Variants in ENPEP observed in about 807,000 individuals in gnomAD.
The protein encoded by ENPEP is glutamyl aminopeptidase.
ENPEP carries 103 observed loss-of-function variants against 114.5 expected under a neutral mutation model. That is an observed-to-expected ratio of 0.90 (90% CI 0.77 to 1.06). The LOEUF is 1.06. Ranked by LOEUF, ENPEP falls within the 50% of genes least tolerant of loss-of-function variation. ENPEP has a pLI of 0.00. For synonymous variants in ENPEP, 420 were observed against 422.0 expected, an observed-to-expected ratio of 1.00 and a Z score of 0.06; for missense variants, 1,196 against 1,161.3, an observed-to-expected ratio of 1.03 and a Z score of -0.43.
chr4:110,519,993 A>T lies in ENPEP; in HGVS notation c.1510-15A>T, dbSNP rs1377144801. ...AACATTGACTTCTAACATGCTGATTATTTTTTACACACAGATGTACTTGGA... is the reference window on the plus strand; with the variant it reads ...AACATTGACTTCTAACATGCTGATTTTTTTTTACACACAGATGTACTTGGA... On this transcript the variant is annotated splice_polypyrimidine_tract_variant and intron_variant, in intron 8 of 19. Coordinates refer to ENST00000265162, the MANE Select transcript of ENPEP (RefSeq NM_001977.4). 6.2e-7 allele frequency: 1 copy of T among 1,609,550 alleles called. No individual in the cohort carries two copies. The highest frequency in any genetic ancestry group is 8.5e-7 in the Non-Finnish European group (1 of 1,177,606).
intron 12 of ENPEP, 62 bp from the exon 13 acceptor site, chr4:110,542,953 T>C: frequency 6.2e-7 from 1 of 1,609,938 alleles, no homozygotes; most frequent in Non-Finnish European, 8.5e-7. Context: ...ATGATATTAA[T>C]TTTTTTCAAC....
intron 3 of ENPEP, among the ~76,000 whole-genome samples, chr4:110,497,393 C>T (rs78259923): frequency 0.011 from 1,695 of 151,082 alleles, 11 homozygotes; most frequent in Middle Eastern, 0.021. Context: ...TAGTAAGCCA[C>T]GGAGGATTGC....
rs565605305 is a variant in ENPEP, at chr4:110,525,332, G to A, written c.1727+4966G>A. Reference sequence around the variant, plus strand: ...CTCTGGGGACATCTTCCTAGCCCGGGTTACCCAGCTGAGCCCCTCCTAGAG... The same window carrying A: ...CTCTGGGGACATCTTCCTAGCCCGGATTACCCAGCTGAGCCCCTCCTAGAG... On this transcript the variant is annotated intron_variant, in intron 10 of 19. Transcript: ENST00000265162. 1.6e-4 allele frequency among the ~76,000 whole-genome samples: 25 copies of A among 152,330 alleles called. No individual in the cohort carries two copies. The East Asian group carries it at 4.4e-3, about 27-fold the overall frequency.
At chr4:110,498,617 A>G (rs569112237) in intron 3 of ENPEP, among the ~76,000 whole-genome samples, 3 of 152,306 alleles carry the variant, frequency 2.0e-5, no homozygotes, top group East Asian at 3.9e-4. Context: ...AGACAAGGAC[A>G]ATAAGGATGT....
intron 18 of ENPEP, among the ~76,000 whole-genome samples, chr4:110,554,157 G>T (rs1021959353): frequency 1.3e-5 from 2 of 151,910 alleles, no homozygotes; most frequent in Non-Finnish European, 2.9e-5. Flanking sequence ...ATAAACGTAT[G>T]TCCCAAATAA....
At chr4:110,500,075 A>C (rs920196494) in intron 3 of ENPEP, 15 of 152,176 alleles carry the variant, frequency 9.9e-5, no homozygotes, top group African/African-American at 3.6e-4. Context: ...AGCCTCATTA[A>C]ATTGTTCAAG....
At chr4:110,496,510 A>G (rs1342635122) in intron 3 of ENPEP, among the ~76,000 whole-genome samples, 1 of 151,990 alleles carries the variant, frequency 6.6e-6, no homozygotes, top group African/African-American at 2.4e-5. Context: ...TAACTAAACA[A>G]CAGTCTTTAC....
At chr4:110,554,095 C>T (rs1727387872) in intron 18 of ENPEP, among the ~76,000 whole-genome samples, 2 of 151,924 alleles carry the variant, frequency 1.3e-5, no homozygotes, top group Non-Finnish European at 2.9e-5. Context: ...ATATAATGCA[C>T]AATTTCCATC....
intron 8 of ENPEP, chr4:110,519,456 A>AT (rs1162603981): frequency 6.0e-6 from 1 of 167,488 alleles, no homozygotes; most frequent in African/African-American, 2.4e-5. Context: ...AAGACTGGGA[A>AT]TTTTTTCTGG....
At position 110,564,948 on chromosome 4, in the gene ENPEP, A is replaced by G. The variant is rs1460466146; in HGVS notation, c.*3390A>G. 1 of 152,238 alleles carries G rather than the reference A, an allele frequency of 6.6e-6. No individual in the cohort carries two copies. The highest frequency in any genetic ancestry group is 6.5e-5 in the Admixed American group (1 of 15,288). The allele number at this position is 152,238 out of a possible 1,614,324, so 9.4% of individuals were successfully genotyped here. On this transcript the variant is annotated 3_prime_UTR_variant, in exon 20 of 20. Coordinates refer to ENST00000265162, the MANE Select transcript of ENPEP (RefSeq NM_001977.4). ...ATAGAACTTAGCCAGCACAGAGTAC[A>G]CATGTGCTGTAAATGAGAAATACCC...
At chr4:110,516,366 A>G (rs555242505) in intron 8 of ENPEP, among the ~76,000 whole-genome samples, 1 of 152,238 alleles carries the variant, frequency 6.6e-6, no homozygotes, top group East Asian at 1.9e-4. Context: ...TAATTTTATC[A>G]AAGTAGCTAC....
chr4:110,484,562 C>T (rs376781043), intron 1 of ENPEP, among the ~76,000 whole-genome samples: 1 of 151,722 alleles, frequency 6.6e-6, no homozygotes, highest in Admixed American at 6.6e-5. Context: ...CCAAACACAC[C>T]GCACAGAGAA....
chr4:110,542,485 G>C (rs1045649822), intron 11 of ENPEP, among the ~76,000 whole-genome samples: 11 of 151,906 alleles, frequency 7.2e-5, no homozygotes, highest in African/African-American at 2.7e-4. Flanking sequence ...CATTTGACAA[G>C]CTTCTGCCAG....
chr4:110,550,236 G>T (rs1727236036), intron 17 of ENPEP, among the ~76,000 whole-genome samples: 1 of 152,068 alleles, frequency 6.6e-6, no homozygotes, highest in South Asian at 2.1e-4. Context: ...CATGTGTAAT[G>T]GAGGTAGGAC....
At chr4:110,510,697 C>T (rs754568649) in intron 6 of ENPEP, among the ~76,000 whole-genome samples, 8 of 151,608 alleles carry the variant, frequency 5.3e-5, no homozygotes, top group South Asian at 2.1e-4. Flanking sequence ...GAAAAAATGT[C>T]GGAGTCTCAT....
At chr4:110,559,401 C>G (rs1448219356) in intron 18 of ENPEP, among the ~76,000 whole-genome samples, 1 of 151,536 alleles carries the variant, frequency 6.6e-6, no homozygotes, top group Non-Finnish European at 1.5e-5. Context: ...GATTTGGGGA[C>G]TACAACAAGC....
chr4:110,528,320 C>G (rs565307857), intron 10 of ENPEP, among the ~76,000 whole-genome samples: 2 of 152,114 alleles, frequency 1.3e-5, no homozygotes, highest in Non-Finnish European at 2.9e-5. Context: ...TAAGAAAGAA[C>G]CATTATAGCA....
intron 10 of ENPEP, among the ~76,000 whole-genome samples, chr4:110,527,050 G>A (rs1215363116): frequency 6.6e-6 from 1 of 152,078 alleles, no homozygotes. Flanking sequence ...ACTCTATAAG[G>A]GGGGTAACAG....
intron 13 of ENPEP, among the ~76,000 whole-genome samples, chr4:110,544,761 TGAAA>T (rs1176770152): frequency 5.3e-5 from 8 of 152,154 alleles, no homozygotes; most frequent in South Asian, 2.1e-4. Flanking sequence ...CAAGATGAAG[TGAAA>T]GAAAGCCTCT....
Sources: allele counts gnomAD v4.1 joint callset (sites outside exome capture counted in the v4.1 genomes callset), GRCh38; gene constraint gnomAD v4.1.1; transcripts MANE v1.5; gene names NCBI Gene and HGNC (gene_info 2026-07-23, HGNC 2026-07-21).